Variants in IL1R1 observed in about 807,000 individuals in gnomAD.
IL1R1 encodes interleukin-1 receptor type 1.
In IL1R1, 22 loss-of-function variants were observed where a neutral mutation model predicts 50.2. The ratio of observed to expected loss-of-function variants is 0.44; its 90% CI spans 0.31 to 0.63. The LOEUF (loss-of-function observed/expected upper bound fraction) is 0.63, where lower values mean the gene tolerates loss of function less well. Ranked by LOEUF, IL1R1 falls within the 20% of genes least tolerant of loss-of-function variation. IL1R1 has a pLI of 0.07. For synonymous variants in IL1R1, 251 were observed against 236.7 expected, an observed-to-expected ratio of 1.06 and a Z score of -0.55; for missense variants, 509 against 676.2, an observed-to-expected ratio of 0.75 and a Z score of 2.74.
intron 7 of IL1R1, among the ~76,000 whole-genome samples, chr2:102,171,073 T>C (rs1685630807): frequency 6.6e-6 from 1 of 152,056 alleles, no homozygotes; most frequent in Admixed American, 6.6e-5. Flanking sequence ...TTTTTAAAAA[T>C]GGAATTAAAT....
intron 10 of IL1R1, among the ~76,000 whole-genome samples, chr2:102,175,139 A>T (rs915126283): frequency 6.6e-6 from 1 of 151,848 alleles, no homozygotes; most frequent in Non-Finnish European, 1.5e-5. Flanking sequence ...AAAAAGGAAT[A>T]CCACAATATC....
upstream of IL1R1, among the ~76,000 whole-genome samples, chr2:102,103,713 G>C (rs972557244): frequency 6.6e-6 from 1 of 152,104 alleles, no homozygotes; most frequent in African/African-American, 2.4e-5. Flanking sequence ...AAAAGAGGCA[G>C]GCCAGGTGCG....
At chr2:102,103,383 G>A (rs574088611), upstream of IL1R1, among the ~76,000 whole-genome samples, 1 of 152,222 alleles carries the variant, frequency 6.6e-6, no homozygotes, top group East Asian at 1.9e-4. Flanking sequence ...GTGCTGAGTG[G>A]TGTCAATTGG....
intron 1 of IL1R1, among the ~76,000 whole-genome samples, chr2:102,072,961 A>G (rs1193696062): frequency 6.6e-6 from 1 of 152,194 alleles, no homozygotes; most frequent in Non-Finnish European, 1.5e-5. Context: ...AAATGTAAAC[A>G]GCTCCTGGGG....
intron 1 of IL1R1, among the ~76,000 whole-genome samples, chr2:102,130,622 C>G (rs1488872147): frequency 6.7e-6 from 1 of 149,932 alleles, no homozygotes; most frequent in African/African-American, 2.5e-5. Flanking sequence ...TTCCTTCCCC[C>G]AAAGTCTTGG....
intron 3 of IL1R1, among the ~76,000 whole-genome samples, chr2:102,160,220 C>T (rs1372348187): frequency 6.6e-6 from 1 of 151,984 alleles, no homozygotes; most frequent in African/African-American, 2.4e-5. Context: ...TTATAATATT[C>T]CCTCACTACC....
chr2:102,121,868 A>G (rs1270642880), intron 1 of IL1R1, among the ~76,000 whole-genome samples: 1 of 151,900 alleles, frequency 6.6e-6, no homozygotes, highest in African/African-American at 2.4e-5. Flanking sequence ...ATGGATTTAA[A>G]CTCTATACTG....
upstream of IL1R1, among the ~76,000 whole-genome samples, chr2:102,103,309 C>T (rs752852553): frequency 6.6e-6 from 1 of 151,968 alleles, no homozygotes; most frequent in Non-Finnish European, 1.5e-5. Flanking sequence ...GTGGGGTCTG[C>T]TTGAGCAAAT....
upstream of IL1R1, among the ~76,000 whole-genome samples, chr2:102,138,949 C>T (rs1016664142): frequency 6.6e-6 from 1 of 152,202 alleles, no homozygotes; most frequent in Non-Finnish European, 1.5e-5. Flanking sequence ...AAAGATCTCA[C>T]TAATTTAGAG....
chr2:102,132,864 T>C (rs1682114015), intron 1 of IL1R1, among the ~76,000 whole-genome samples: 1 of 152,204 alleles, frequency 6.6e-6, no homozygotes, highest in Non-Finnish European at 1.5e-5. Context: ...GATAAATTCT[T>C]TGAAGGACCC....
In IL1R1 at chr2:102,176,840, C is replaced by T; in HGVS notation, c.*81C>T. Reference sequence around the variant, plus strand: ...CCAGGTTATGCCTCATGCTGACTTGCAGAGTTCATGGAATGTAACTATATC... The same window carrying T: ...CCAGGTTATGCCTCATGCTGACTTGTAGAGTTCATGGAATGTAACTATATC... On this transcript the variant is annotated 3_prime_UTR_variant, in exon 12 of 12. Coordinates refer to ENST00000410023, the MANE Select transcript of IL1R1 (RefSeq NM_000877.4). The T allele has an allele frequency of 2.3e-6, 3 of 1,308,168 alleles. No homozygotes were observed. The highest frequency in any genetic ancestry group is 3.2e-6 in the Non-Finnish European group (3 of 928,348). 81.0% of individuals were successfully genotyped at this position (1,308,168 alleles called of 1,614,324 possible). A position where few individuals can be genotyped will look rare whatever the true frequency, so the allele number is the denominator to read the frequency against.
chr2:102,111,636 C>A (rs1473241727), intron 1 of IL1R1, among the ~76,000 whole-genome samples: 1 of 152,128 alleles, frequency 6.6e-6, no homozygotes, highest in Non-Finnish European at 1.5e-5. Context: ...AGCTTACAGT[C>A]CATCTGCGAG....
At chr2:102,099,565 C>G (rs1246659666), upstream of IL1R1, among the ~76,000 whole-genome samples, 1 of 152,098 alleles carries the variant, frequency 6.6e-6, no homozygotes, top group Non-Finnish European at 1.5e-5. Flanking sequence ...GTGGGAGAGC[C>G]TAGCTGGTCT....
upstream of IL1R1, among the ~76,000 whole-genome samples, chr2:102,103,505 T>C (rs1429969345): frequency 6.6e-6 from 1 of 152,128 alleles, no homozygotes; most frequent in African/African-American, 2.4e-5. Flanking sequence ...CACAAAGCGC[T>C]CTTGGAAAGG....
intron 1 of IL1R1, among the ~76,000 whole-genome samples, chr2:102,090,150 A>ATT (rs985139200): frequency 0.05 from 6,597 of 133,148 alleles, 220 homozygotes; most frequent in Non-Finnish European, 0.079. Context: ...TTTTTTTTCA[A>ATT]TTTTTTTTTT....
In IL1R1 at chr2:102,166,142, A is replaced by G. The variant is rs754484406; in HGVS notation, c.516A>G (p.Ile172Met). ...GCAAACCTCTACTTCTTGACAATAT[A>G]CACTTTAGTGGAGTCAAAGATAGGC... ...KDCKPLLLDN[I>M]HFSGVKDRLI... Residue 172 changes from isoleucine (I) to methionine (M), a missense_variant, in exon 6 of 12, where the codon ATA (isoleucine) becomes ATG (methionine). Ile to Met is a conservative substitution (Grantham distance 10). Coordinates refer to ENST00000410023, the MANE Select transcript of IL1R1 (RefSeq NM_000877.4). 8.1e-6 allele frequency: 13 copies of G among 1,613,702 alleles called. No individual in the cohort carries two copies. Among genetic ancestry groups the G allele is most frequent in the Non-Finnish European group, 1.1e-5 (13 of 1,179,754 alleles).
At chr2:102,123,726 C>A (rs183308755) in intron 1 of IL1R1, among the ~76,000 whole-genome samples, 18 of 151,760 alleles carry the variant, frequency 1.2e-4, no homozygotes, top group Admixed American at 1.1e-3. Context: ...TGCAGTTAGC[C>A]GAGATCACGC....
At chr2:102,172,252 A>G in intron 8 of IL1R1, 1 of 984,828 alleles carries the variant, frequency 1.0e-6, no homozygotes, top group Non-Finnish European at 1.2e-6. Flanking sequence ...GAGCTCAAGA[A>G]TCAGGCAATC....
chr2:102,103,110 A>G (rs574002940), upstream of IL1R1, among the ~76,000 whole-genome samples: 35 of 152,318 alleles, frequency 2.3e-4, no homozygotes, highest in South Asian at 2.3e-3. Context: ...CAATTTGCCT[A>G]TATAACAGAC....
Sources: allele counts gnomAD v4.1 joint callset (sites outside exome capture counted in the v4.1 genomes callset), GRCh38; gene constraint gnomAD v4.1.1; transcripts MANE v1.5; gene names NCBI Gene and HGNC (gene_info 2026-07-23, HGNC 2026-07-21).